BRAF: variants seen among roughly 807,000 people sequenced by gnomAD.
The protein encoded by BRAF is B-Raf proto-oncogene, serine/threonine kinase, also known as serine/threonine-protein kinase B-raf.
In BRAF, 16 loss-of-function variants were observed where a neutral mutation model predicts 104.6. That is an observed-to-expected ratio of 0.15 (90% CI 0.10 to 0.23). The LOEUF is 0.23. BRAF is among the 10% of genes least tolerant of loss of function. The pLI is 1.00. For synonymous variants in BRAF, 310 were observed against 341.6 expected, an observed-to-expected ratio of 0.91 and a Z score of 1.02; for missense variants, 541 against 937.3, an observed-to-expected ratio of 0.58 and a Z score of 5.52.
chr7:140,918,432 G>A lies in BRAF; in HGVS notation c.138+6134C>T, dbSNP rs557700298. On this transcript the variant is annotated intron_variant, in intron 1 of 19. Coordinates refer to ENST00000644969, the MANE Select transcript of BRAF (RefSeq NM_001374258.1). ...ATCTGACAGGAGGTGGAGCTTTGGC[G>A]GTAATGCTCACTTGCCTGCCACTCA... 5.9e-5 allele frequency among the ~76,000 whole-genome samples: 9 copies of A among 152,266 alleles called. No homozygotes were observed. In the East Asian group the frequency reaches 9.6e-4, roughly 16 times the overall value.
chr7:140,888,174 C>A (rs568798857), intron 1 of BRAF, among the ~76,000 whole-genome samples: 1 of 152,234 alleles, frequency 6.6e-6, no homozygotes, highest in East Asian at 1.9e-4. Flanking sequence ...TGCCTGGCCT[C>A]AGCATTTAAT....
downstream of BRAF, among the ~76,000 whole-genome samples, chr7:140,717,825 A>G (rs1274444594): frequency 2.6e-5 from 4 of 152,208 alleles, no homozygotes; most frequent in African/African-American, 7.2e-5. Flanking sequence ...TATGATGTTT[A>G]TATTATAGAA....
At chr7:140,789,793 CGA>C (rs1801766178) in intron 8 of BRAF, among the ~76,000 whole-genome samples, 1 of 152,198 alleles carries the variant, frequency 6.6e-6, no homozygotes, top group Non-Finnish European at 1.5e-5. Context: ...TGCAATGGCA[CGA>C]TCTTAGCTCA....
At chr7:140,923,113 G>A (rs577233665) in intron 1 of BRAF, among the ~76,000 whole-genome samples, 2 of 152,120 alleles carry the variant, frequency 1.3e-5, no homozygotes, top group Non-Finnish European at 2.9e-5. Flanking sequence ...ATGATATAAA[G>A]AGTAGAAAAC....
rs1409167468 is a variant in BRAF at position 140,889,871 on chromosome 7, T to A, written c.138+34695A>T. 3.3e-5 allele frequency among the ~76,000 whole-genome samples: 5 copies of A among 152,172 alleles called. No homozygotes were observed. The East Asian group carries it at 9.6e-4, about 29-fold the overall frequency. On this transcript the variant is annotated intron_variant, in intron 1 of 19. Transcript: ENST00000644969. ...AATAGGAAGCGAGGGGGTTGGGGGT[T>A]CCAATAGCATGGCAGTTAACAGCAT...
chr7:140,730,283 TATTA>T (rs1179329813), intron 19 of BRAF, among the ~76,000 whole-genome samples: 2 of 152,008 alleles, frequency 1.3e-5, no homozygotes, highest in South Asian at 2.1e-4. Flanking sequence ...AATCTTGGTA[TATTA>T]ATTAATAAAA....
At chr7:140,885,298 T>C (rs1218024585) in intron 1 of BRAF, among the ~76,000 whole-genome samples, 2 of 152,084 alleles carry the variant, frequency 1.3e-5, no homozygotes, top group African/African-American at 2.4e-5. Context: ...CCACCGCACC[T>C]GGCCCCAAAG....
chr7:140,830,550 C>T (rs2129059580), intron 3 of BRAF, among the ~76,000 whole-genome samples: 1 of 152,200 alleles, frequency 6.6e-6, no homozygotes, highest in African/African-American at 2.4e-5. Context: ...GTAGGAGCAT[C>T]TTTTGTTCCA....
intron 1 of BRAF, among the ~76,000 whole-genome samples, chr7:140,904,765 C>T (rs1343228721): frequency 2.6e-5 from 4 of 152,180 alleles, no homozygotes; most frequent in East Asian, 1.9e-4. Context: ...TGCACCACCA[C>T]GCCCAGCTAA....
At chr7:140,787,776 A>T (rs938944389) in intron 8 of BRAF, among the ~76,000 whole-genome samples, 192 bp from the exon 9 acceptor site, 1 of 152,222 alleles carries the variant, frequency 6.6e-6, no homozygotes, top group African/African-American at 2.4e-5. Context: ...AGCACTTGCC[A>T]ATGTAAACCT....
intron 1 of BRAF, among the ~76,000 whole-genome samples, chr7:140,850,732 T>C (rs888363886): frequency 1.6e-4 from 24 of 152,184 alleles, no homozygotes; most frequent in African/African-American, 1.7e-4. Context: ...TTTCATAGCA[T>C]TGCACTGCTT....
chr7:140,763,072 T>A (rs1798916661), intron 14 of BRAF, among the ~76,000 whole-genome samples: 1 of 152,260 alleles, frequency 6.6e-6, no homozygotes, highest in Non-Finnish European at 1.5e-5. Flanking sequence ...CCTCCTTCTA[T>A]TCCACAAAAC....
At chr7:140,887,557 T>C (rs1025110657) in intron 1 of BRAF, among the ~76,000 whole-genome samples, 2 of 152,124 alleles carry the variant, frequency 1.3e-5, no homozygotes, top group African/African-American at 4.8e-5. Flanking sequence ...GTGACACAAA[T>C]TGAACAATAA....
At chr7:140,883,078 C>T (rs1813134776) in intron 1 of BRAF, among the ~76,000 whole-genome samples, 1 of 151,712 alleles carries the variant, frequency 6.6e-6, no homozygotes. Context: ...AAAAGAATAT[C>T]AAAAAGATAA....
At chr7:140,796,634 T>C (rs1390530737) in intron 7 of BRAF, among the ~76,000 whole-genome samples, 1 of 152,232 alleles carries the variant, frequency 6.6e-6, no homozygotes, top group African/African-American at 2.4e-5. Flanking sequence ...ATCTGCGTAT[T>C]ATACAAAATC....
chr7:140,735,548 T>G (rs971921305), intron 18 of BRAF, among the ~76,000 whole-genome samples: 14 of 152,114 alleles, frequency 9.2e-5, no homozygotes, highest in African/African-American at 3.4e-4. Context: ...GTTATTGTCC[T>G]GAGATACCAA....
intron 14 of BRAF, among the ~76,000 whole-genome samples, chr7:140,756,928 C>A (rs1170518895): frequency 6.6e-6 from 1 of 152,158 alleles, no homozygotes; most frequent in Non-Finnish European, 1.5e-5. Flanking sequence ...TCAGCTTTTC[C>A]ACATTCTTAC....
Position 140,722,439 on chromosome 7 carries a change from G to A in BRAF, c.*4055C>T. 1 of 1,055,178 alleles carries A rather than the reference G, an allele frequency of 9.5e-7. No individual in the cohort carries two copies. Among genetic ancestry groups the A allele is most frequent in the Non-Finnish European group, 1.1e-6 (1 of 872,986 alleles). The allele number at this position is 1,055,178 out of a possible 1,614,324, so 65.4% of individuals were successfully genotyped here. A position where few individuals can be genotyped will look rare whatever the true frequency, so the allele number is the denominator to read the frequency against. On this transcript the variant is annotated 3_prime_UTR_variant, in exon 20 of 20. Coordinates refer to ENST00000644969, the MANE Select transcript of BRAF (RefSeq NM_001374258.1). ...TTATTGCATCATGAAGGCACAGTAA[G>A]ATCATTTGGCAAATTGTCAAGGTAT... is the stretch of plus-strand genomic sequence containing the variant.
chr7:140,781,366 G>T, intron 12 of BRAF: 1 of 566,242 alleles, frequency 1.8e-6, no homozygotes, highest in Non-Finnish European at 3.1e-6. Flanking sequence ...AATTATTACT[G>T]TAATAAAATG....
Sources: allele counts gnomAD v4.1 joint callset (sites outside exome capture counted in the v4.1 genomes callset), GRCh38; gene constraint gnomAD v4.1.1; transcripts MANE v1.5; gene names NCBI Gene and HGNC (gene_info 2026-07-23, HGNC 2026-07-21).